FGF12: variants seen among roughly 807,000 people sequenced by gnomAD.
FGF12 encodes fibroblast growth factor 12B.
FGF12 carries 14 observed loss-of-function variants against 23.6 expected under a neutral mutation model. The ratio of observed to expected loss-of-function variants is 0.59; its 90% confidence interval spans 0.39 to 0.93. The LOEUF (loss-of-function observed/expected upper bound fraction) is 0.93. Among genes scored for constraint, FGF12 ranks in the 40% least tolerant of loss-of-function variants. The pLI is 0.00. For synonymous variants in FGF12, 62 were observed against 77.3 expected (o/e 0.80, Z 1.04); for missense variants, 175 against 217.8 (o/e 0.80, Z 1.24).
intron 2 of FGF12, among the ~76,000 whole-genome samples, chr3:192,555,542 G>A (rs1208005557): frequency 6.6e-6 from 1 of 151,802 alleles, no homozygotes; most frequent in East Asian, 1.9e-4. Context: ...CAACAATTTG[G>A]GAGGCTGAGG....
intron 2 of FGF12, among the ~76,000 whole-genome samples, chr3:192,553,959 G>C (rs1711640826): frequency 6.6e-6 from 1 of 152,204 alleles, no homozygotes; most frequent in Non-Finnish European, 1.5e-5. Context: ...GCTCAGTGCA[G>C]AATGAGTAGG....
rs140748128 is a variant in FGF12 at position 192,299,769 on chromosome 3, C to T, written c.228+35592G>A. On this transcript the variant is annotated intron_variant, in intron 4 of 5. Transcript: ENST00000445105. Reference sequence around the variant, plus strand: ...GAGTGACTCCAGACTATGAGGAGAACGACTGGAATGCCACATGAAGTCGTA... The same window carrying T: ...GAGTGACTCCAGACTATGAGGAGAATGACTGGAATGCCACATGAAGTCGTA... Among the ~76,000 whole-genome samples, 394 of 152,206 alleles carry T rather than the reference C, an allele frequency of 2.6e-3. 2 individuals are homozygous for T. The highest frequency in any genetic ancestry group is 8.9e-3 in the African/African-American group (370 of 41,512).
intron 5 of FGF12, among the ~76,000 whole-genome samples, chr3:192,167,560 C>G (rs1487929012): frequency 6.6e-6 from 1 of 151,226 alleles, no homozygotes; most frequent in Non-Finnish European, 1.5e-5. Context: ...GAATAAAAAA[C>G]TTTATATGAT....
chr3:192,163,599 G>T (rs565757351), intron 5 of FGF12, among the ~76,000 whole-genome samples: 11 of 152,086 alleles, frequency 7.2e-5, no homozygotes, highest in African/African-American at 2.7e-4. Flanking sequence ...CCTGGACAGC[G>T]TTTTAAACCT....
At chr3:192,333,216 C>A (rs1717216282) in intron 4 of FGF12, among the ~76,000 whole-genome samples, 1 of 152,078 alleles carries the variant, frequency 6.6e-6, no homozygotes, top group African/African-American at 2.4e-5. Flanking sequence ...TGTTGTCAAA[C>A]TTTCTGTGTT....
intron 4 of FGF12, among the ~76,000 whole-genome samples, chr3:192,226,748 C>T (rs778772616): frequency 4.6e-5 from 7 of 151,846 alleles, no homozygotes; most frequent in Non-Finnish European, 7.4e-5. Flanking sequence ...TACAACATAT[C>T]GTATACTAGA....
chr3:192,332,154 A>G (rs1407545590), intron 4 of FGF12, among the ~76,000 whole-genome samples: 1 of 152,190 alleles, frequency 6.6e-6, no homozygotes, highest in African/African-American at 2.4e-5. Flanking sequence ...TTAAAGTGCA[A>G]CTAATCAAAC....
intron 2 of FGF12, among the ~76,000 whole-genome samples, chr3:192,574,010 C>G (rs1028346021): frequency 6.6e-6 from 1 of 152,212 alleles, no homozygotes; most frequent in Non-Finnish European, 1.5e-5. Flanking sequence ...CAGCCATTCC[C>G]TAACAGAGGA....
intron 2 of FGF12, among the ~76,000 whole-genome samples, chr3:192,531,764 C>T (rs1008317090): frequency 6.6e-6 from 1 of 152,204 alleles, no homozygotes; most frequent in Non-Finnish European, 1.5e-5. Flanking sequence ...TTTTCTACCA[C>T]ACGCTTGATG....
At chr3:192,479,240 T>C (rs1723412056) in intron 2 of FGF12, among the ~76,000 whole-genome samples, 1 of 152,146 alleles carries the variant, frequency 6.6e-6, no homozygotes. Context: ...ATCAGTGCCA[T>C]CTATGTTTAG....
At chr3:192,243,506 T>A (rs1016298680) in intron 4 of FGF12, among the ~76,000 whole-genome samples, 4 of 148,566 alleles carry the variant, frequency 2.7e-5, no homozygotes, top group African/African-American at 1.0e-4. Flanking sequence ...TTTAAAATAT[T>A]GTGGTAAAAC....
chr3:192,717,911 T>G (rs1336114916), intron 2 of FGF12, among the ~76,000 whole-genome samples: 1 of 152,198 alleles, frequency 6.6e-6, no homozygotes, highest in Non-Finnish European at 1.5e-5. Flanking sequence ...ATGAAACCCT[T>G]AGACCTTGGA....
chr3:192,615,408 T>C (rs1318131597), intron 2 of FGF12, among the ~76,000 whole-genome samples: 1 of 151,984 alleles, frequency 6.6e-6, no homozygotes, highest in African/African-American at 2.4e-5. Context: ...TCTTGAATCA[T>C]CTACTAACAA....
intron 4 of FGF12, among the ~76,000 whole-genome samples, chr3:192,275,094 T>C (rs946114676): frequency 2.6e-5 from 4 of 152,208 alleles, no homozygotes; most frequent in African/African-American, 9.6e-5. Flanking sequence ...GAGAGCTATC[T>C]ATAAGTAATC....
At chr3:192,597,049 T>A (rs563197439) in intron 2 of FGF12, among the ~76,000 whole-genome samples, 29 of 152,322 alleles carry the variant, frequency 1.9e-4, no homozygotes, top group African/African-American at 6.0e-4. Context: ...ATGTATATGT[T>A]AAAATTTTAA....
intron 4 of FGF12, among the ~76,000 whole-genome samples, chr3:192,248,215 A>G (rs1711754935): frequency 6.6e-6 from 1 of 152,220 alleles, no homozygotes; most frequent in South Asian, 2.1e-4. Flanking sequence ...ACAGCCATTA[A>G]GGAACTTGGA....
intron 2 of FGF12, among the ~76,000 whole-genome samples, chr3:192,536,997 C>T (rs1277507109): frequency 1.3e-5 from 2 of 152,054 alleles, no homozygotes; most frequent in Non-Finnish European, 2.9e-5. Context: ...TGTCTATCCC[C>T]CTGAGTTCAA....
chr3:192,285,990 TAAAC>T (rs1249863334), intron 4 of FGF12, among the ~76,000 whole-genome samples: 1 of 151,982 alleles, frequency 6.6e-6, no homozygotes, highest in African/African-American at 2.4e-5. Context: ...CACAATCAAT[TAAAC>T]AAAAATTTAT....
chr3:192,364,290 T>G (rs1718873387), intron 2 of FGF12, among the ~76,000 whole-genome samples: 1 of 152,230 alleles, frequency 6.6e-6, no homozygotes, highest in Non-Finnish European at 1.5e-5. Context: ...TCTATGAAGC[T>G]AATATTTTCC....
Sources: gnomAD v4.1 joint callset for allele counts (sites outside exome capture counted in the v4.1 genomes callset) on GRCh38, gnomAD v4.1.1 for gene constraint, MANE v1.5 for transcripts, NCBI Gene and HGNC (gene_info 2026-07-23, HGNC 2026-07-21) for gene names.